The following SAMMSON variants were observed in gnomAD, a reference collection of about 807,000 sequenced individuals.
SAMMSON encodes survival associated mitochondrial melanoma specific oncogenic non-coding RNA.
At chr3:70,032,129 G>T (rs1477433547) in intron 3 of SAMMSON, among the ~76,000 whole-genome samples, 1 of 152,112 alleles carries the variant, frequency 6.6e-6, no homozygotes, top group Non-Finnish European at 1.5e-5. Flanking sequence ...GATTCTTTTA[G>T]GGATGAGAGC....
intron 4 of SAMMSON, among the ~76,000 whole-genome samples, chr3:70,195,448 A>C (rs1701166921): frequency 6.6e-6 from 1 of 152,224 alleles, no homozygotes; most frequent in Non-Finnish European, 1.5e-5. Flanking sequence ...GCAGTTTACA[A>C]ATATTTTTAA....
At chr3:70,432,880 C>CT (rs542753986) in intron 2 of SAMMSON, among the ~76,000 whole-genome samples, 59 of 152,096 alleles carry the variant, frequency 3.9e-4, no homozygotes, top group Non-Finnish European at 6.0e-4. Context: ...TAGCTTTTGC[C>CT]TTTTTCAGTA....
In SAMMSON at chr3:70,097,898, C is replaced by T. The variant is rs74916223; in HGVS notation, n.507+26333C>T. Among the ~76,000 whole-genome samples the T allele has an allele frequency of 4.3e-4, 65 of 152,302 alleles. 1 individual carries two copies. The East Asian group carries it at 0.012, about 29-fold the overall frequency. ...CTTAAAATAAAGCACTTATGGAGCA[C>T]ATTTTTATCTACAAAGCTTGAGAAA... On this transcript the variant is annotated intron_variant and non_coding_transcript_variant, in intron 4 of 9. Transcript: ENST00000642114.
chr3:70,105,970 C>T (rs1189678560), intron 4 of SAMMSON, among the ~76,000 whole-genome samples: 2 of 152,054 alleles, frequency 1.3e-5, no homozygotes, highest in African/African-American at 4.8e-5. Context: ...TCAGGAACAA[C>T]GATATAGTTG....
At chr3:70,007,045 CATT>C (rs1559770334) in intron 1 of SAMMSON, among the ~76,000 whole-genome samples, 1 of 152,032 alleles carries the variant, frequency 6.6e-6, no homozygotes, top group East Asian at 1.9e-4. Context: ...TCCAGTCTAT[CATT>C]GTTGGACGTT....
At chr3:70,374,861 CT>C (rs1257807910) in intron 9 of SAMMSON, among the ~76,000 whole-genome samples, 4 of 152,170 alleles carry the variant, frequency 2.6e-5, no homozygotes, top group African/African-American at 9.7e-5. Flanking sequence ...AAGTTTCTGT[CT>C]TGCTAAATTG....
intron 4 of SAMMSON, among the ~76,000 whole-genome samples, chr3:70,202,953 G>T (rs1451769354): frequency 6.6e-6 from 1 of 152,072 alleles, no homozygotes; most frequent in East Asian, 1.9e-4. Context: ...CTGCAGTCTT[G>T]CACTCCCTGA....
At position 70,185,807 on chromosome 3, in the gene SAMMSON, C is replaced by CAAA. The variant is rs34529551; in HGVS notation, n.508-63282_508-63280dup. On this transcript the variant is annotated intron_variant and non_coding_transcript_variant, in intron 4 of 9. Transcript: ENST00000642114. The stretch of plus-strand genomic sequence containing the variant: ...GCAGCATAGCAAGACCCCGCCTCTA[C>CAAA]AAAAAAAAAAAAAAAAAAAATTAGC... Among the ~76,000 whole-genome samples, 47 of 102,928 alleles carry CAAA rather than the reference C, an allele frequency of 4.6e-4. 2 individuals are homozygous for CAAA. The highest frequency in any genetic ancestry group is 1.4e-3 in the African/African-American group (34 of 24,966). 67.5% of individuals were successfully genotyped at this position (102,928 alleles called of 152,430 possible). A position where few individuals can be genotyped will look rare whatever the true frequency, so the allele number is the denominator to read the frequency against.
chr3:70,186,633 C>T (rs1022447735), intron 4 of SAMMSON, among the ~76,000 whole-genome samples: 3 of 152,014 alleles, frequency 2.0e-5, no homozygotes, highest in Non-Finnish European at 4.4e-5. Flanking sequence ...TCATTGATGG[C>T]ACCGAATTGA....
chr3:70,023,423 T>G (rs923437452), intron 3 of SAMMSON, among the ~76,000 whole-genome samples: 3 of 151,666 alleles, frequency 2.0e-5, no homozygotes, highest in Non-Finnish European at 2.9e-5. Context: ...ATTGCTCCAG[T>G]GCACTCCAGC....
chr3:70,359,552 A>C (rs559789522), intron 9 of SAMMSON, among the ~76,000 whole-genome samples: 1 of 152,306 alleles, frequency 6.6e-6, no homozygotes, highest in African/African-American at 2.4e-5. Context: ...AAGAGCGCTT[A>C]AATGTTTGTA....
At chr3:70,392,083 T>C (rs1249962998), downstream of SAMMSON, among the ~76,000 whole-genome samples, 1 of 152,176 alleles carries the variant, frequency 6.6e-6, no homozygotes, top group African/African-American at 2.4e-5. Flanking sequence ...CCTAGACTAA[T>C]TGGAAATTGA....
chr3:70,302,638 G>A (rs1201984614), intron 7 of SAMMSON: 1 of 152,120 alleles, frequency 6.6e-6, no homozygotes, highest in Non-Finnish European at 1.5e-5. Context: ...TTGGTTCCTG[G>A]TCTCTACAGA....
intron 3 of SAMMSON, among the ~76,000 whole-genome samples, chr3:70,056,935 G>A (rs1405178184): frequency 1.3e-5 from 2 of 151,824 alleles, no homozygotes; most frequent in Non-Finnish European, 2.9e-5. Flanking sequence ...AAAATATGAC[G>A]GCATTTAGTC....
intron 4 of SAMMSON, among the ~76,000 whole-genome samples, chr3:70,097,694 C>A (rs2067327564): frequency 6.6e-6 from 1 of 152,144 alleles, no homozygotes; most frequent in Non-Finnish European, 1.5e-5. Flanking sequence ...TGACTTTCTC[C>A]TATGTGACAT....
chr3:70,268,050 C>T (rs954951148), intron 6 of SAMMSON, among the ~76,000 whole-genome samples: 2 of 150,528 alleles, frequency 1.3e-5, no homozygotes, highest in African/African-American at 2.5e-5. Flanking sequence ...TCCTCCTCCT[C>T]CTTCTTCTCC....
intron 4 of SAMMSON, among the ~76,000 whole-genome samples, chr3:70,185,309 A>G (rs1475367613): frequency 6.6e-6 from 1 of 152,174 alleles, no homozygotes; most frequent in Non-Finnish European, 1.5e-5. Flanking sequence ...AAAAAGGCTC[A>G]GAATAGCCCT....
intron 2 of SAMMSON, among the ~76,000 whole-genome samples, chr3:70,431,207 G>A (rs1701410087): frequency 6.6e-6 from 1 of 152,004 alleles, no homozygotes. Context: ...CAGTGAAAAT[G>A]GAGCCCTCAC....
chr3:70,200,066 C>T (rs1226406752), intron 4 of SAMMSON, among the ~76,000 whole-genome samples: 3 of 152,128 alleles, frequency 2.0e-5, no homozygotes, highest in Admixed American at 1.3e-4. Context: ...CCTCATCATA[C>T]CTTCCCCATG....
Sources: gnomAD v4.1 joint callset for allele counts (sites outside exome capture counted in the v4.1 genomes callset) on GRCh38, gnomAD v4.1.1 for gene constraint, MANE v1.5 for transcripts, NCBI Gene and HGNC (gene_info 2026-07-23, HGNC 2026-07-21) for gene names.